The following GAB2 variants were observed in gnomAD, a reference collection of about 807,000 sequenced individuals.
GAB2 encodes the protein GRB2 associated binding protein 2.
Under a neutral mutation model 65.5 loss-of-function variants are expected in GAB2, and 26 were observed. The observed-to-expected ratio is 0.40, with a 90% CI of 0.29 to 0.55. The LOEUF is 0.55. Ranked by LOEUF, GAB2 falls within the 20% of genes least tolerant of loss-of-function variation. The pLI is 0.53. For missense variants in GAB2, 884 were observed against 875.8 expected (o/e 1.01, Z -0.12); for synonymous variants, 321 against 329.6 (o/e 0.97, Z 0.28).
rs1032719985 is a variant in GAB2 at position 78,215,546 on chromosome 11, A to T, written c.*3726T>A. The T allele has an allele frequency of 6.6e-6, 1 of 152,598 alleles. No homozygotes were observed. The highest frequency in any genetic ancestry group is 1.5e-5 in the Non-Finnish European group (1 of 68,040). 9.5% of individuals were successfully genotyped at this position (152,598 alleles called of 1,614,324 possible). ...AATGTCAATTTTAAATGGTAACAAG[A>T]CAAGAACTCAAGACTGGGCTTCCAC... On this transcript the variant is annotated 3_prime_UTR_variant, in exon 10 of 10. Coordinates refer to ENST00000361507, the MANE Select transcript of GAB2 (RefSeq NM_080491.3).
chr11:78,224,059 G>A (rs761888001), intron 5 of GAB2, among the ~76,000 whole-genome samples: 11 of 152,152 alleles, frequency 7.2e-5, no homozygotes, highest in South Asian at 4.1e-4. Context: ...TCCAGCCTGG[G>A]TGACAGAGTG....
intron 9 of GAB2, 109 bp from the exon 10 acceptor site, chr11:78,219,524 T>C: frequency 9.9e-7 from 1 of 1,007,566 alleles, no homozygotes; most frequent in South Asian, 1.5e-5. Flanking sequence ...GAGAAGAGCA[T>C]GGCCTCTGCC....
chr11:78,289,531 C>G (rs1404134798), intron 1 of GAB2, among the ~76,000 whole-genome samples: 1 of 152,124 alleles, frequency 6.6e-6, no homozygotes, highest in Non-Finnish European at 1.5e-5. Flanking sequence ...GATAAAGAGG[C>G]AAGGCCCAAA....
chr11:78,309,418 G>A (rs530568184), intron 1 of GAB2, among the ~76,000 whole-genome samples: 26 of 149,900 alleles, frequency 1.7e-4, no homozygotes, highest in Middle Eastern at 3.6e-3. Context: ...CAGCCTTCAT[G>A]TAATTTTAAG....
chr11:78,349,390 T>C (rs1337809790), intron 1 of GAB2, among the ~76,000 whole-genome samples: 2 of 152,212 alleles, frequency 1.3e-5, no homozygotes, highest in Non-Finnish European at 2.9e-5. Flanking sequence ...TACTTAATTC[T>C]AACACTTTTG....
At chr11:78,293,326 G>T (rs988035546) in intron 1 of GAB2, among the ~76,000 whole-genome samples, 1 of 152,138 alleles carries the variant, frequency 6.6e-6, no homozygotes, top group African/African-American at 2.4e-5. Context: ...TGAGGTCAGG[G>T]GCTTTTGTAT....
chr11:78,247,359 G>A (rs957507407), intron 3 of GAB2, among the ~76,000 whole-genome samples: 2 of 151,958 alleles, frequency 1.3e-5, no homozygotes, highest in African/African-American at 4.8e-5. Flanking sequence ...ATTCTTTTTC[G>A]GTTTCTACAT....
At chr11:78,270,615 T>C (rs1027529715) in intron 2 of GAB2, among the ~76,000 whole-genome samples, 1 of 152,244 alleles carries the variant, frequency 6.6e-6, no homozygotes, top group African/African-American at 2.4e-5. Context: ...AGCCCCTACC[T>C]ATCTCACTTT....
chr11:78,330,756 TA>T (rs1855901029), intron 1 of GAB2, among the ~76,000 whole-genome samples: 1 of 152,106 alleles, frequency 6.6e-6, no homozygotes, highest in African/African-American at 2.4e-5. Context: ...GTGCTTCCCA[TA>T]TGTTATTTTC....
At chr11:78,349,946 AAAAG>A (rs937823639) in intron 1 of GAB2, among the ~76,000 whole-genome samples, 19 of 152,218 alleles carry the variant, frequency 1.2e-4, no homozygotes, top group Admixed American at 1.3e-4. Context: ...AAAGAAAAAA[AAAAG>A]AAAGACAATC....
chr11:78,261,172 T>G (rs1175674409), intron 2 of GAB2, among the ~76,000 whole-genome samples: 1 of 152,066 alleles, frequency 6.6e-6, no homozygotes, highest in African/African-American at 2.4e-5. Context: ...AGTCCCAGAC[T>G]GGGGGGCTGG....
chr11:78,233,663 GTGGTGCCAT>G (rs1864908602), intron 3 of GAB2, among the ~76,000 whole-genome samples: 1 of 152,116 alleles, frequency 6.6e-6, no homozygotes, highest in Admixed American at 6.5e-5. Flanking sequence ...CTAGAGTGCA[GTGGTGCCAT>G]CTTGGCTCAC....
intron 1 of GAB2, among the ~76,000 whole-genome samples, chr11:78,334,901 C>T (rs1855973655): frequency 6.6e-6 from 1 of 152,200 alleles, no homozygotes; most frequent in African/African-American, 2.4e-5. Flanking sequence ...ACATCCTCGC[C>T]AGCATTTGCT....
chr11:78,242,501 C>CAA (rs1280671808), intron 3 of GAB2, among the ~76,000 whole-genome samples: 35 of 140,034 alleles, frequency 2.5e-4, no homozygotes, highest in African/African-American at 8.4e-4. Context: ...GACTCCGTCT[C>CAA]AAAACAAAAA....
intron 3 of GAB2, among the ~76,000 whole-genome samples, chr11:78,236,372 A>G (rs1247660352): frequency 1.3e-5 from 2 of 152,172 alleles, no homozygotes; most frequent in Admixed American, 1.3e-4. Context: ...GCTGGTCTCG[A>G]ACTCTTGAGC....
intron 1 of GAB2, among the ~76,000 whole-genome samples, chr11:78,366,189 G>A (rs758034518): frequency 1.3e-5 from 2 of 152,194 alleles, no homozygotes; most frequent in Non-Finnish European, 2.9e-5. Context: ...ACATTATCAA[G>A]TATTAGCTGT....
intron 1 of GAB2, among the ~76,000 whole-genome samples, chr11:78,296,203 C>A (rs1001895833): frequency 6.6e-6 from 1 of 152,168 alleles, no homozygotes; most frequent in Non-Finnish European, 1.5e-5. Context: ...GCTGTGAGGC[C>A]CAGTTCCTAA....
chr11:78,219,437 G>A, intron 9 of GAB2, 22 bp from the exon 10 acceptor site: 1 of 1,612,664 alleles, frequency 6.2e-7, no homozygotes, highest in Non-Finnish European at 8.5e-7. Context: ...GAGTGGGAAA[G>A]AGGGAGTAGC....
rs1864114104 is a variant in GAB2 at position 78,215,892 on chromosome 11, C to G, written c.*3380G>C. On this transcript the variant is annotated 3_prime_UTR_variant, in exon 10 of 10. Coordinates refer to ENST00000361507, the MANE Select transcript of GAB2 (RefSeq NM_080491.3). The stretch of plus-strand genomic sequence containing the variant: ...TAGGGGTGCTGGGCCGAGATGTCCC[C>G]ATGGGAGAAGGGGCCAGAGGGAGGA... The G allele has an allele frequency of 6.5e-6, 1 of 152,690 alleles. No homozygotes were observed. The allele number at this position is 152,690 out of a possible 1,614,324, so 9.5% of individuals were successfully genotyped here.
Sources: gnomAD v4.1 joint callset for allele counts (sites outside exome capture counted in the v4.1 genomes callset) on GRCh38, gnomAD v4.1.1 for gene constraint, MANE v1.5 for transcripts, NCBI Gene and HGNC (gene_info 2026-07-23, HGNC 2026-07-21) for gene names.